CHST11: variants seen among roughly 807,000 people sequenced by gnomAD.
The protein encoded by CHST11 is C4S-1.
In CHST11, 9 loss-of-function variants were observed where a neutral mutation model predicts 30.4. The ratio of observed to expected loss-of-function variants is 0.30; its 90% CI spans 0.18 to 0.52. CHST11 has a LOEUF of 0.52. Among genes scored for constraint, CHST11 ranks in the 20% least tolerant of loss-of-function variants. The pLI is 0.97. For synonymous variants in CHST11, 152 were observed against 187.8 expected (o/e 0.81, Z 1.56); for missense variants, 348 against 460.6 (o/e 0.76, Z 2.24).
At chr12:104,702,367 G>T (rs1266291922) in intron 2 of CHST11, among the ~76,000 whole-genome samples, 3 of 152,224 alleles carry the variant, frequency 2.0e-5, no homozygotes, top group African/African-American at 7.2e-5. Context: ...GCTCTAATTT[G>T]TAGATATGGA....
At chr12:104,697,284 TG>T (rs2039955718) in intron 2 of CHST11, among the ~76,000 whole-genome samples, 1 of 152,250 alleles carries the variant, frequency 6.6e-6, no homozygotes, top group South Asian at 2.1e-4. Context: ...ACATTATTTC[TG>T]GGTGTGTCTG....
chr12:104,559,988 T>C (rs944523204), intron 1 of CHST11, among the ~76,000 whole-genome samples: 5 of 152,082 alleles, frequency 3.3e-5, no homozygotes, highest in African/African-American at 1.2e-4. Context: ...CCCTGAAGGG[T>C]GGCTTTTGAG....
chr12:104,756,563 T>TGTGTGTGTGTGTGTA (rs2040478208), intron 2 of CHST11, among the ~76,000 whole-genome samples: 1 of 36,184 alleles, frequency 2.8e-5, no homozygotes, highest in Non-Finnish European at 6.1e-5. Flanking sequence ...GTGTGTGTGT[T>TGTGTGTGTGTGTGTA]TAGAGACAGG....
chr12:104,550,215 T>G (rs1263069181), intron 1 of CHST11, among the ~76,000 whole-genome samples: 2 of 152,174 alleles, frequency 1.3e-5, no homozygotes, highest in African/African-American at 4.8e-5. Context: ...GCTTGGTTCT[T>G]TGTTGTCTGA....
In CHST11 at chr12:104,653,790, C is replaced by T. The variant is rs185062372; in HGVS notation, c.204+51799C>T. Among the ~76,000 whole-genome samples the T allele has an allele frequency of 5.3e-5, 8 of 152,308 alleles. 1 individual carries two copies. Among genetic ancestry groups the T allele is most frequent in the Non-Finnish European group, 8.8e-5 (6 of 68,028 alleles). On this transcript the variant is annotated intron_variant, in intron 2 of 2. Transcript: ENST00000303694. ...CGGAGGCTCGAGGAGATTAAGTGACCTCCCGAGATCATGTAGCAGGTAGTG... is the reference window on the plus strand; with the variant it reads ...CGGAGGCTCGAGGAGATTAAGTGACTTCCCGAGATCATGTAGCAGGTAGTG...
At chr12:104,668,762 C>T (rs2039664343) in intron 2 of CHST11, among the ~76,000 whole-genome samples, 1 of 152,190 alleles carries the variant, frequency 6.6e-6, no homozygotes, top group Non-Finnish European at 1.5e-5. Flanking sequence ...CAGACTCTTG[C>T]TATTTGGAGG....
chr12:104,501,603 C>T (rs1380111918), intron 1 of CHST11, among the ~76,000 whole-genome samples: 1 of 152,234 alleles, frequency 6.6e-6, no homozygotes, highest in Non-Finnish European at 1.5e-5. Flanking sequence ...ACTCTGAGCA[C>T]CCTCCTTGGC....
chr12:104,590,741 G>T (rs983174594), intron 1 of CHST11, among the ~76,000 whole-genome samples: 1 of 152,074 alleles, frequency 6.6e-6, no homozygotes, highest in Non-Finnish European at 1.5e-5. Context: ...GGCCAACATG[G>T]TGAAACCCTG....
At chr12:104,531,052 C>A (rs1028419418) in intron 1 of CHST11, among the ~76,000 whole-genome samples, 1 of 152,200 alleles carries the variant, frequency 6.6e-6, no homozygotes, top group Non-Finnish European at 1.5e-5. Flanking sequence ...TCATGTTTTC[C>A]ATCAGCCACA....
intron 2 of CHST11, among the ~76,000 whole-genome samples, chr12:104,742,397 C>T (rs1006594095): frequency 1.3e-5 from 2 of 152,050 alleles, no homozygotes; most frequent in Non-Finnish European, 1.5e-5. Context: ...GTAAGCCACC[C>T]GGGACTGCTC....
chr12:104,637,372 A>T (rs1369730993), intron 2 of CHST11, among the ~76,000 whole-genome samples: 1 of 146,108 alleles, frequency 6.8e-6, no homozygotes, highest in Admixed American at 6.9e-5. Context: ...GCATTAGGAG[A>T]TATACCTAAT....
chr12:104,464,337 G>A (rs181719489), intron 1 of CHST11, among the ~76,000 whole-genome samples: 196 of 152,108 alleles, frequency 1.3e-3, no homozygotes, highest in Middle Eastern at 3.4e-3. Flanking sequence ...CAAAGTGCTG[G>A]TAGAGGTGTG....
At chr12:104,700,171 T>G (rs1404104291) in intron 2 of CHST11, among the ~76,000 whole-genome samples, 2 of 152,242 alleles carry the variant, frequency 1.3e-5, no homozygotes, top group African/African-American at 2.4e-5. Context: ...AGTAAATGTC[T>G]TATTCTTCCA....
chr12:104,546,663 T>C (rs2038353953), intron 1 of CHST11, among the ~76,000 whole-genome samples: 1 of 152,164 alleles, frequency 6.6e-6, no homozygotes, highest in Non-Finnish European at 1.5e-5. Context: ...GGCGATTTTT[T>C]TTTCCAGGAT....
At chr12:104,497,937 G>A (rs1307568508) in intron 1 of CHST11, among the ~76,000 whole-genome samples, 1 of 67,418 alleles carries the variant, frequency 1.5e-5, no homozygotes, top group Non-Finnish European at 2.8e-5. Context: ...TTTTTTTTGA[G>A]ACAGAGTCTC....
intron 1 of CHST11, among the ~76,000 whole-genome samples, chr12:104,488,718 CGTGTATGT>C (rs1489687670): frequency 8.4e-6 from 1 of 118,806 alleles, no homozygotes; most frequent in African/African-American, 3.3e-5. Flanking sequence ...TGTATGTGTG[CGTGTATGT>C]GTGTATGTGT....
Position 104,457,536 on chromosome 12 carries a change from G to A in CHST11, c.118+7G>A, listed in dbSNP as rs1231833664. ...CAAAGTATGTTGCACCCAGGTAGGGGGCGCGTTAGCGTGGTTTTGTTGGAT... is the reference window on the plus strand; with the variant it reads ...CAAAGTATGTTGCACCCAGGTAGGGAGCGCGTTAGCGTGGTTTTGTTGGAT... On this transcript the variant is annotated splice_region_variant and intron_variant, in intron 1 of 2. Coordinates refer to ENST00000303694, the MANE Select transcript of CHST11 (RefSeq NM_018413.6). 2.0e-5 allele frequency: 32 copies of A among 1,583,832 alleles called. No homozygotes were observed. The highest frequency in any genetic ancestry group is 2.4e-5 in the Non-Finnish European group (28 of 1,152,526).
At chr12:104,561,941 G>A (rs2038518289) in intron 1 of CHST11, among the ~76,000 whole-genome samples, 2 of 152,118 alleles carry the variant, frequency 1.3e-5, no homozygotes, top group African/African-American at 4.8e-5. Context: ...GGGAGACTGA[G>A]GCTTAGGGAA....
At chr12:104,625,461 T>C (rs955997803) in intron 2 of CHST11, among the ~76,000 whole-genome samples, 1 of 152,210 alleles carries the variant, frequency 6.6e-6, no homozygotes, top group African/African-American at 2.4e-5. Context: ...CCCACCACCA[T>C]GCCTGGCTCA....
Sources: allele counts gnomAD v4.1 joint callset (sites outside exome capture counted in the v4.1 genomes callset), GRCh38; gene constraint gnomAD v4.1.1; transcripts MANE v1.5; gene names NCBI Gene and HGNC (gene_info 2026-07-23, HGNC 2026-07-21).